The following VPS35L variants were observed in gnomAD, a reference collection of about 807,000 sequenced individuals.
VPS35L encodes VPS35 endosomal protein-sorting factor-like.
In VPS35L, 83 loss-of-function variants were observed where a neutral mutation model predicts 133.0. The observed-to-expected ratio is 0.62, with a 90% CI of 0.52 to 0.75. The LOEUF is 0.75. Among genes scored for constraint, VPS35L ranks in the 30% least tolerant of loss-of-function variants. The pLI is 0.00. For synonymous variants in VPS35L, 423 were observed against 449.9 expected (o/e 0.94, Z 0.76); for missense variants, 1,083 against 1,206.8 (o/e 0.90, Z 1.52).
At chr16:19,697,239 G>A (rs747040617) in intron 29 of VPS35L, among the ~76,000 whole-genome samples, 2 of 152,218 alleles carry the variant, frequency 1.3e-5, no homozygotes, top group Non-Finnish European at 2.9e-5. Context: ...GCTCTAGGCT[G>A]TTGCCAAGGC....
chr16:19,627,704 T>C lies in VPS35L; in HGVS notation c.1282T>C (p.Leu428=). ...CKKLGNNALL[L]NSVMSAFRAE... is the part of the protein sequence containing the mutation. ...ATCTGTGTCTTGCAGTGCCTTGCTG[T>C]TGAATTCTGTGATGTCTGCCTTCCG... is the stretch of plus-strand genomic sequence containing the variant. Residue 428 remains leucine (L), a synonymous_variant, in exon 16 of 31, where the codon TTG becomes CTG. Transcript: ENST00000417362. 6.2e-7 allele frequency: 1 copy of C among 1,613,424 alleles called. No homozygotes were observed.
At chr16:19,615,507 A>G (rs1972856088) in intron 12 of VPS35L, among the ~76,000 whole-genome samples, 1 of 152,028 alleles carries the variant, frequency 6.6e-6, no homozygotes, top group African/African-American at 2.4e-5. Flanking sequence ...AAAATTAGCC[A>G]AGTGTCGTGA....
chr16:19,620,841 C>T (rs1271783967), intron 14 of VPS35L, among the ~76,000 whole-genome samples: 4 of 152,050 alleles, frequency 2.6e-5, no homozygotes, highest in Non-Finnish European at 5.9e-5. Context: ...ATCCCAGCTA[C>T]TCGGGAGGCT....
At position 19,651,744 on chromosome 16, in the gene VPS35L, C is replaced by T. The variant is rs142359177; in HGVS notation, c.2107-232C>T. 1.4e-3 allele frequency among the ~76,000 whole-genome samples: 219 copies of T among 152,208 alleles called. 1 individual carries two copies. The highest frequency in any genetic ancestry group is 2.6e-3 in the Non-Finnish European group (176 of 68,016). Reference sequence around the variant, plus strand: ...TGTTAGGTGTTACGTATTTACTTCCCGTGATGGTGGGTGAGGATTTGTTTT... The same window carrying T: ...TGTTAGGTGTTACGTATTTACTTCCTGTGATGGTGGGTGAGGATTTGTTTT... On this transcript the variant is annotated intron_variant, in intron 25 of 30. Coordinates refer to ENST00000417362, the MANE Select transcript of VPS35L (RefSeq NM_020314.7).
chr16:19,673,771 G>A (rs572335255), intron 27 of VPS35L, among the ~76,000 whole-genome samples: 1 of 152,174 alleles, frequency 6.6e-6, no homozygotes, highest in Non-Finnish European at 1.5e-5. Flanking sequence ...CTCCACCCAA[G>A]CCCCCCAAGG....
Position 19,652,013 on chromosome 16 carries a change from T to C in VPS35L, c.2144T>C (p.Leu715Pro). 1 of 1,613,568 alleles carries C rather than the reference T, an allele frequency of 6.2e-7. No homozygotes were observed. The highest frequency in any genetic ancestry group is 8.5e-7 in the Non-Finnish European group (1 of 1,179,742). ...VAYCFITIPS[L>P]AGIFTRLNLY... Reference sequence around the variant, plus strand: ...TACTGCTTCATCACCATCCCCTCCCTGGCGGGCATCTTCACACGTCTCAAT... The same window carrying C: ...TACTGCTTCATCACCATCCCCTCCCCGGCGGGCATCTTCACACGTCTCAAT... The change falls in exon 26 of 31, where the codon CTG (leucine) becomes CCG (proline). Residue 715 changes from leucine (L) to proline (P), a missense_variant. Leu to Pro is a moderately conservative substitution (Grantham distance 98). Coordinates refer to ENST00000417362, the MANE Select transcript of VPS35L (RefSeq NM_020314.7).
At chr16:19,608,883 C>T in intron 10 of VPS35L, 91 bp from the exon 11 acceptor site, 1 of 1,164,022 alleles carries the variant, frequency 8.6e-7, no homozygotes, top group African/African-American at 1.5e-5. Context: ...CTCCTAAGAC[C>T]CGCCTACTTC....
At chr16:19,632,936 G>A (rs1973503125) in intron 18 of VPS35L, among the ~76,000 whole-genome samples, 156 bp from the exon 19 acceptor site, 2 of 152,224 alleles carry the variant, frequency 1.3e-5, no homozygotes, top group Admixed American at 1.3e-4. Context: ...ATATGAGTGA[G>A]ATTTCCTCCC....
At chr16:19,556,508 A>G (rs2151493773) in intron 1 of VPS35L, among the ~76,000 whole-genome samples, 1 of 152,270 alleles carries the variant, frequency 6.6e-6, no homozygotes, top group South Asian at 2.1e-4. Flanking sequence ...AGCAGGTGGT[A>G]TGTGTGTGAG....
chr16:19,557,472 G>A (rs542483862), intron 1 of VPS35L, among the ~76,000 whole-genome samples: 7 of 152,172 alleles, frequency 4.6e-5, no homozygotes, highest in African/African-American at 9.6e-5. Context: ...CGCAACCTCC[G>A]CCTCCCGGCT....
intron 21 of VPS35L, 79 bp downstream of exon 21, chr16:19,640,179 A>T: frequency 3.8e-6 from 5 of 1,327,208 alleles, no homozygotes; most frequent in Non-Finnish European, 3.2e-6. Flanking sequence ...CAGTTCTTGC[A>T]CTTTGAGGCC....
At chr16:19,609,199 A>T (rs565671182) in intron 11 of VPS35L, among the ~76,000 whole-genome samples, 178 bp downstream of exon 11, 5 of 152,314 alleles carry the variant, frequency 3.3e-5, no homozygotes, top group Non-Finnish European at 5.9e-5. Context: ...TAGAGACACC[A>T]TCCTAATCCC....
At chr16:19,626,414 C>T (rs181296393) in intron 15 of VPS35L, among the ~76,000 whole-genome samples, 191 bp downstream of exon 15, 19 of 152,188 alleles carry the variant, frequency 1.2e-4, no homozygotes, top group Admixed American at 9.2e-4. Flanking sequence ...GACCTTGGGC[C>T]GCTTGCTTGA....
At position 19,616,161 on chromosome 16, in the gene VPS35L, CT is replaced by C; in HGVS notation, c.1077del (p.Phe359LeufsTer53). On this transcript the variant is annotated frameshift_variant, in exon 13 of 31. Transcript: ENST00000417362. LOFTEE classifies it high-confidence loss of function. ...ATCTCAAAGAAACCCTAAATAAGAA[CT>C]TTTTTGACTTCCTCCTTACGTTCAA... ...PHLKETLNKN[F>X]FDFLLTFKQI... The C allele has an allele frequency of 6.2e-7, 1 of 1,613,102 alleles. No homozygotes were observed. The highest frequency in any genetic ancestry group is 8.5e-7 in the Non-Finnish European group (1 of 1,179,358).
chr16:19,627,016 G>A (rs1157551976), intron 15 of VPS35L, among the ~76,000 whole-genome samples: 1 of 151,562 alleles, frequency 6.6e-6, no homozygotes, highest in Admixed American at 6.6e-5. Flanking sequence ...ACACAGTGGT[G>A]CATGCCTATA....
At chr16:19,569,642 A>G (rs1193182091) in intron 3 of VPS35L, 51 bp downstream of exon 3, 2 of 1,477,748 alleles carry the variant, frequency 1.4e-6, no homozygotes, top group South Asian at 2.9e-5. Context: ...TTGTGGGTGC[A>G]GGAATGGGTG....
intron 27 of VPS35L, among the ~76,000 whole-genome samples, chr16:19,680,456 C>A (rs1280621132): frequency 1.3e-5 from 2 of 152,170 alleles, no homozygotes; most frequent in Non-Finnish European, 2.9e-5. Flanking sequence ...AGCCAGCAGA[C>A]CTGGCGGTGT....
In VPS35L at chr16:19,647,796, C is replaced by T. The variant is rs373070886; in HGVS notation, c.1942C>T (p.Arg648Cys). The T allele has an allele frequency of 6.1e-5, 98 of 1,613,882 alleles. No individual in the cohort carries two copies. The highest frequency in any genetic ancestry group is 2.3e-4 in the South Asian group (21 of 91,070). Residue 648 changes from arginine to cysteine, a missense_variant, in exon 24 of 31, where the codon CGT (arginine) becomes TGT (cysteine). Physicochemically the swap from Arg to Cys is radical, Grantham distance 180. Coordinates refer to ENST00000417362, the MANE Select transcript of VPS35L (RefSeq NM_020314.7). Reference sequence around the variant, plus strand: ...TCCTTGATTCTAGGTTTCCTTTGGCCGTGATTTTGAACAACAGCTGAGTTT... The same window carrying T: ...TCCTTGATTCTAGGTTTCCTTTGGCTGTGATTTTGAACAACAGCTGAGTTT... ...NGFIKMVSFGRDFEQQLSFYV... is the reference protein window; with the variant it reads ...NGFIKMVSFGCDFEQQLSFYV...
rs114066870 is a variant in VPS35L at position 19,657,747 on chromosome 16, T to A, written c.2221+5657T>A. On this transcript the variant is annotated intron_variant, in intron 26 of 30. Coordinates refer to ENST00000417362, the MANE Select transcript of VPS35L (RefSeq NM_020314.7). Reference sequence around the variant, plus strand: ...TGTGGGAGAGAAAAATTATTTTGCATTTCCTCTTCCTGGAGAGTCAAGAAT... The same window carrying A: ...TGTGGGAGAGAAAAATTATTTTGCAATTCCTCTTCCTGGAGAGTCAAGAAT... Among the ~76,000 whole-genome samples the A allele has an allele frequency of 3.6e-3, 543 of 152,282 alleles. 3 individuals are homozygous for A. Among genetic ancestry groups the A allele is most frequent in the African/African-American group, 0.013 (531 of 41,556 alleles).
Sources: gnomAD v4.1 joint callset for allele counts (sites outside exome capture counted in the v4.1 genomes callset) on GRCh38, gnomAD v4.1.1 for gene constraint, MANE v1.5 for transcripts, NCBI Gene and HGNC (gene_info 2026-07-23, HGNC 2026-07-21) for gene names.